FHOD3: variants seen among roughly 807,000 people sequenced by gnomAD.
FHOD3 encodes the protein formin homology 2 domain containing 3.
Under a neutral mutation model 173.0 loss-of-function variants are expected in FHOD3, and 90 were observed. The observed-to-expected ratio is 0.52, with a 90% CI of 0.44 to 0.62. The LOEUF (loss-of-function observed/expected upper bound fraction) is 0.62. Among genes scored for constraint, FHOD3 ranks in the 20% least tolerant of loss-of-function variants. FHOD3 has a pLI of 0.00. For synonymous variants in FHOD3, 828 were observed against 823.0 expected, an observed-to-expected ratio of 1.01 and a Z score of -0.10; for missense variants, 1,945 against 2,034.7, an observed-to-expected ratio of 0.96 and a Z score of 0.85.
intron 9 of FHOD3, among the ~76,000 whole-genome samples, chr18:36,623,674 T>C (rs2033880249): frequency 6.6e-6 from 1 of 152,252 alleles, no homozygotes; most frequent in African/African-American, 2.4e-5. Context: ...TGGTGAATTC[T>C]AGGGGAGTAA....
chr18:36,500,195 C>T (rs756996399), intron 3 of FHOD3, among the ~76,000 whole-genome samples: 1 of 152,218 alleles, frequency 6.6e-6, no homozygotes, highest in Non-Finnish European at 1.5e-5. Context: ...GAAGTGATGT[C>T]ATCTAGTGGG....
chr18:36,686,751 C>G (rs548462610), intron 15 of FHOD3, among the ~76,000 whole-genome samples: 1 of 152,152 alleles, frequency 6.6e-6, no homozygotes, highest in South Asian at 2.1e-4. Context: ...ATGAAGCTAC[C>G]AGAGCTCAAC....
In FHOD3 at chr18:36,631,960, C is replaced by G. The variant is rs369635805; in HGVS notation, c.1196+6211C>G. The stretch of plus-strand genomic sequence containing the variant: ...GCTAATGTTCCAATATATAGATATA[C>G]CATAATACCATGATGCTGTCATACA... On this transcript the variant is annotated intron_variant, in intron 10 of 28. Transcript: ENST00000590592. 1.3e-3 allele frequency among the ~76,000 whole-genome samples: 191 copies of G among 152,092 alleles called. 2 individuals are homozygous for G. In the South Asian group the frequency reaches 0.037, roughly 30 times the overall value.
In FHOD3 at chr18:36,623,499, G is replaced by A. The variant is rs75009942; in HGVS notation, c.958-2012G>A. On this transcript the variant is annotated intron_variant, in intron 9 of 28. Transcript: ENST00000590592. ...TTTTCCCCACAGAATGTCATTTAAAGTTTTAAAGTTGAGATGACATATGTG... is the reference window on the plus strand; with the variant it reads ...TTTTCCCCACAGAATGTCATTTAAAATTTTAAAGTTGAGATGACATATGTG... Among the ~76,000 whole-genome samples the A allele has an allele frequency of 8.4e-3, 1,283 of 152,300 alleles. 9 individuals carry two copies. Among genetic ancestry groups the A allele is most frequent in the African/African-American group, 0.03 (1,228 of 41,562 alleles).
At chr18:36,455,869 T>G (rs1198152449) in intron 3 of FHOD3, among the ~76,000 whole-genome samples, 1 of 152,130 alleles carries the variant, frequency 6.6e-6, no homozygotes, top group Non-Finnish European at 1.5e-5. Flanking sequence ...TGAAATTTGG[T>G]TCTTCCTTCC....
intron 7 of FHOD3, among the ~76,000 whole-genome samples, chr18:36,600,042 G>A (rs1309839264): frequency 2.0e-5 from 3 of 151,812 alleles, no homozygotes; most frequent in Non-Finnish European, 2.9e-5. Context: ...CTCCAGCAGC[G>A]CTAAGGAAAA....
At chr18:36,511,471 C>G (rs1321683366) in intron 4 of FHOD3, among the ~76,000 whole-genome samples, 1 of 151,332 alleles carries the variant, frequency 6.6e-6, no homozygotes, top group African/African-American at 2.4e-5. Flanking sequence ...TTGAGGATTT[C>G]CTGGGGAATT....
intron 3 of FHOD3, among the ~76,000 whole-genome samples, chr18:36,499,826 A>G (rs1217263886): frequency 6.6e-6 from 1 of 152,140 alleles, no homozygotes; most frequent in Non-Finnish European, 1.5e-5. Flanking sequence ...CCTACTTTTT[A>G]GAAAGGTGAT....
chr18:36,757,446 A>T (rs952586783), intron 25 of FHOD3, among the ~76,000 whole-genome samples: 1 of 152,242 alleles, frequency 6.6e-6, no homozygotes, highest in Non-Finnish European at 1.5e-5. Context: ...AGAAAAGCTT[A>T]TATCCCAAGG....
At chr18:36,705,982 TGTGTGTGTGC>T (rs1481261371) in intron 17 of FHOD3, among the ~76,000 whole-genome samples, 1 of 133,972 alleles carries the variant, frequency 7.5e-6, no homozygotes, top group African/African-American at 2.7e-5. Flanking sequence ...TGTGTGTGTG[TGTGTGTGTGC>T]ACGGAGAGAA....
At chr18:36,763,023 C>A (rs1220515734) in intron 27 of FHOD3, among the ~76,000 whole-genome samples, 1 of 142,284 alleles carries the variant, frequency 7.0e-6, no homozygotes, top group African/African-American at 2.6e-5. Context: ...GCGTATTATA[C>A]ACTTTATATA....
chr18:36,732,327 C>T (rs9958934), intron 20 of FHOD3, among the ~76,000 whole-genome samples: 58,935 of 151,528 alleles, frequency 0.39, 11,964 homozygotes, highest in African/African-American at 0.52. Context: ...CAGTTTGTGG[C>T]GTTTTATTAT....
chr18:36,623,249 G>A (rs942666479), intron 9 of FHOD3, among the ~76,000 whole-genome samples: 2 of 152,190 alleles, frequency 1.3e-5, no homozygotes. Flanking sequence ...AACGTCACTT[G>A]ATCCTTGGAT....
chr18:36,450,138 T>G (rs2051740534), intron 3 of FHOD3, among the ~76,000 whole-genome samples: 1 of 152,226 alleles, frequency 6.6e-6, no homozygotes, highest in Non-Finnish European at 1.5e-5. Context: ...TCCTCATAGC[T>G]TAGCTCCCAC....
intron 6 of FHOD3, among the ~76,000 whole-genome samples, chr18:36,580,394 T>C (rs2058805609): frequency 6.6e-6 from 1 of 152,220 alleles, no homozygotes; most frequent in Admixed American, 6.5e-5. Context: ...CTGGTCATAA[T>C]GAGGACAAGA....
Position 36,681,679 on chromosome 18 carries a change from C to T in FHOD3, c.1970+109C>T, listed in dbSNP as rs144872928. ...GGCATTAAAGGAAGTAATGAAAATT[C>T]TGTCTGTATTTTTAAGGAAGAGAAA... On this transcript the variant is annotated intron_variant, in intron 15 of 28. Coordinates refer to ENST00000590592, the MANE Select transcript of FHOD3 (RefSeq NM_001281740.3). The T allele has an allele frequency of 4.3e-5, 56 of 1,307,206 alleles. No individual in the cohort carries two copies. In the East Asian group the frequency reaches 1.4e-3, roughly 33 times the overall value. The allele number at this position is 1,307,206 out of a possible 1,614,324, so 81.0% of individuals were successfully genotyped here.
At chr18:36,406,423 G>A (rs1292069040) in intron 3 of FHOD3, among the ~76,000 whole-genome samples, 1 of 152,206 alleles carries the variant, frequency 6.6e-6, no homozygotes, top group Non-Finnish European at 1.5e-5. Flanking sequence ...CCTCAAAACA[G>A]CCTTGGCATG....
intron 3 of FHOD3, among the ~76,000 whole-genome samples, chr18:36,397,315 T>G (rs1022879334): frequency 6.6e-6 from 1 of 152,230 alleles, no homozygotes; most frequent in Non-Finnish European, 1.5e-5. Flanking sequence ...CAGATAATAA[T>G]AGCATGCATA....
chr18:36,479,654 C>T (rs2053774414), intron 3 of FHOD3, among the ~76,000 whole-genome samples: 1 of 151,772 alleles, frequency 6.6e-6, no homozygotes, highest in African/African-American at 2.4e-5. Context: ...TATGAATAGC[C>T]ATTATTCTTA....
Sources: allele counts gnomAD v4.1 joint callset (sites outside exome capture counted in the v4.1 genomes callset), GRCh38; gene constraint gnomAD v4.1.1; transcripts MANE v1.5; gene names NCBI Gene and HGNC (gene_info 2026-07-23, HGNC 2026-07-21).